The following DENND1A variants were observed in gnomAD, a reference collection of about 807,000 sequenced individuals.
DENND1A encodes DENN domain containing 1A, also known as DENN domain-containing protein 1A.
A neutral mutation model predicts 113.7 loss-of-function variants in DENND1A; 51 were observed. The observed-to-expected ratio is 0.45, with a 90% CI of 0.36 to 0.57. The LOEUF is 0.57. Among genes scored for constraint, DENND1A ranks in the 20% least tolerant of loss-of-function variants. The pLI is 0.00. For synonymous variants in DENND1A, 565 were observed against 570.8 expected, an observed-to-expected ratio of 0.99 and a Z score of 0.14; for missense variants, 1,258 against 1,395.9, an observed-to-expected ratio of 0.90 and a Z score of 1.57.
chr9:123,482,366 G>A (rs542914967), intron 13 of DENND1A, among the ~76,000 whole-genome samples: 37 of 152,184 alleles, frequency 2.4e-4, no homozygotes, highest in Non-Finnish European at 4.3e-4. Flanking sequence ...CCAAAGTGTT[G>A]GGATTACAGG....
intron 9 of DENND1A, among the ~76,000 whole-genome samples, chr9:123,651,316 AAAATT>A (rs2062638135): frequency 6.6e-6 from 1 of 152,400 alleles, no homozygotes; most frequent in East Asian, 1.9e-4. Flanking sequence ...AGGTAATTCT[AAAATT>A]AAAGCAAGCC....
At chr9:123,412,223 A>G (rs529526696) in intron 19 of DENND1A, among the ~76,000 whole-genome samples, 6 of 152,094 alleles carry the variant, frequency 3.9e-5, no homozygotes, top group Non-Finnish European at 7.4e-5. Context: ...CCGGGACTCC[A>G]CTGTGCCCCA....
chr9:123,609,587 G>T, intron 10 of DENND1A, 106 bp from the exon 11 acceptor site: 1 of 1,252,838 alleles, frequency 8.0e-7, no homozygotes, highest in Non-Finnish European at 1.1e-6. Flanking sequence ...ATAAACGTAT[G>T]CATAGTTACA....
chr9:123,542,297 A>G (rs1337073483), intron 13 of DENND1A, among the ~76,000 whole-genome samples: 2 of 152,210 alleles, frequency 1.3e-5, no homozygotes, highest in Non-Finnish European at 2.9e-5. Context: ...CCTATTGTAC[A>G]GTTGAGGTAA....
rs1247590690 is a variant in DENND1A at position 123,918,553 on chromosome 9, G to C, written c.17+11336C>G. 7.3e-5 allele frequency among the ~76,000 whole-genome samples: 11 copies of C among 151,560 alleles called. 1 individual carries two copies. Among genetic ancestry groups the C allele is most frequent in the Non-Finnish European group, 1.6e-4 (11 of 67,930 alleles). ...ATAGGACAAATTAAACATCAGTGAG[G>C]ACAGTAACTACAGCAGATTGAAATA... is the stretch of plus-strand genomic sequence containing the variant. On this transcript the variant is annotated intron_variant, in intron 1 of 23. Coordinates refer to ENST00000394215, the MANE Select transcript of DENND1A (RefSeq NM_001352964.2).
chr9:123,598,348 T>C (rs2059789527), intron 11 of DENND1A, among the ~76,000 whole-genome samples: 2 of 151,516 alleles, frequency 1.3e-5, no homozygotes, highest in Admixed American at 1.3e-4. Context: ...CATAATGATG[T>C]CATTACCCAA....
At chr9:123,810,202 C>T (rs965073775) in intron 2 of DENND1A, among the ~76,000 whole-genome samples, 4 of 152,090 alleles carry the variant, frequency 2.6e-5, no homozygotes, top group African/African-American at 7.2e-5. Context: ...GCATTTCCTC[C>T]ATCATCTCAT....
At chr9:123,519,737 T>C (rs1376401787) in intron 13 of DENND1A, among the ~76,000 whole-genome samples, 1 of 152,114 alleles carries the variant, frequency 6.6e-6, no homozygotes, top group Non-Finnish European at 1.5e-5. Flanking sequence ...ATATCTAAGT[T>C]AACCTGGTGG....
chr9:123,418,954 C>T (rs2044989808), intron 19 of DENND1A, among the ~76,000 whole-genome samples: 1 of 152,232 alleles, frequency 6.6e-6, no homozygotes, highest in African/African-American at 2.4e-5. Flanking sequence ...TCACTCAGTC[C>T]CCAGTGAAGG....
chr9:123,914,223 T>C (rs1455734752), intron 1 of DENND1A, among the ~76,000 whole-genome samples: 6 of 152,030 alleles, frequency 3.9e-5, no homozygotes, highest in African/African-American at 7.2e-5. Flanking sequence ...GTTCCTGCCA[T>C]TGCTATAAAG....
At chr9:123,439,646 A>T (rs1374829792) in intron 19 of DENND1A, 1 of 152,498 alleles carries the variant, frequency 6.6e-6, no homozygotes, top group Non-Finnish European at 1.5e-5. Context: ...TTGCTAAAAG[A>T]GCCATTTCTC....
At chr9:123,756,060 G>A (rs1283358215) in intron 5 of DENND1A, among the ~76,000 whole-genome samples, 3 of 152,284 alleles carry the variant, frequency 2.0e-5, no homozygotes, top group African/African-American at 2.4e-5. Context: ...ACAGGCATGT[G>A]CCATCACACC....
chr9:123,543,055 G>A (rs7027444), intron 13 of DENND1A, among the ~76,000 whole-genome samples: 56,863 of 152,104 alleles, frequency 0.37, 11,662 homozygotes, highest in African/African-American at 0.55. Context: ...CTGCGTCTCA[G>A]GACCACCTGT....
At chr9:123,591,220 A>G (rs978367863) in intron 11 of DENND1A, among the ~76,000 whole-genome samples, 1 of 152,210 alleles carries the variant, frequency 6.6e-6, no homozygotes. Context: ...AAAATATAAA[A>G]TAATATCAGC....
chr9:123,533,121 T>C lies in DENND1A; in HGVS notation c.993+24449A>G, dbSNP rs190650253. Among the ~76,000 whole-genome samples, 204 of 152,360 alleles carry C rather than the reference T, an allele frequency of 1.3e-3. 1 individual carries two copies. Among genetic ancestry groups the C allele is most frequent in the African/African-American group, 4.8e-3 (199 of 41,582 alleles). ...CTCTATCTCTGCTGTTGAATTCTCCTGCAAAAGGAAACTCACATTTTCTAC... is the reference window on the plus strand; with the variant it reads ...CTCTATCTCTGCTGTTGAATTCTCCCGCAAAAGGAAACTCACATTTTCTAC... On this transcript the variant is annotated intron_variant, in intron 13 of 23. Transcript: ENST00000394215.
chr9:123,464,994 CAAAAAA>C lies in DENND1A; in HGVS notation c.994-7103_994-7098del, dbSNP rs10655282. Among the ~76,000 whole-genome samples, 22 of 70,560 alleles carry C rather than the reference CAAAAAA, an allele frequency of 3.1e-4. 1 individual carries two copies. The highest frequency in any genetic ancestry group is 1.9e-3 in the Admixed American group (9 of 4,796). The allele number at this position is 70,560 out of a possible 152,430, so 46.3% of individuals were successfully genotyped here. On this transcript the variant is annotated intron_variant, in intron 13 of 23. Transcript: ENST00000394215. ...CAAAAACCCATTTCTACTAAAAATA[CAAAAAA>C]AAAAAAAAAAAAAAAAAAATTAGCC...
In DENND1A at chr9:123,379,695, ATC is replaced by A. The variant is rs2042179656; in HGVS notation, c.*1735_*1736del. Reference sequence around the variant, plus strand: ...ATTTTATTGAATGCACACAAAGTTCATCCTTGGGTTTGCAAAAAGTCCCACAA... The same window carrying A: ...ATTTTATTGAATGCACACAAAGTTCACTTGGGTTTGCAAAAAGTCCCACAA... On this transcript the variant is annotated 3_prime_UTR_variant, in exon 24 of 24. Transcript: ENST00000394215. 1 of 152,272 alleles carries A rather than the reference ATC, an allele frequency of 6.6e-6. No homozygotes were observed. The highest frequency in any genetic ancestry group is 2.1e-4 in the South Asian group (1 of 4,830). 9.4% of individuals were successfully genotyped at this position (152,272 alleles called of 1,614,324 possible). A position where few individuals can be genotyped will look rare whatever the true frequency, so the allele number is the denominator to read the frequency against.
At chr9:123,425,579 T>C (rs1028657366) in intron 19 of DENND1A, among the ~76,000 whole-genome samples, 7 of 152,026 alleles carry the variant, frequency 4.6e-5, no homozygotes, top group Non-Finnish European at 7.4e-5. Flanking sequence ...CCCACGTCAC[T>C]GCCTTTCCTG....
chr9:123,849,126 A>G (rs563035477), intron 2 of DENND1A, among the ~76,000 whole-genome samples: 8 of 152,312 alleles, frequency 5.3e-5, no homozygotes, highest in South Asian at 2.1e-4. Context: ...AAGATTTTCA[A>G]TGTAGATGAA....
Sources: gnomAD v4.1 joint callset for allele counts (sites outside exome capture counted in the v4.1 genomes callset) on GRCh38, gnomAD v4.1.1 for gene constraint, MANE v1.5 for transcripts, NCBI Gene and HGNC (gene_info 2026-07-23, HGNC 2026-07-21) for gene names.